The following TET2 variants were observed in gnomAD, a reference collection of about 807,000 sequenced individuals.
TET2 encodes methylcytosine dioxygenase TET2.
A neutral mutation model predicts 142.9 loss-of-function variants in TET2; 299 were observed. The observed-to-expected ratio is 2.09, with a 90% CI of 1.90 to 2.30. The LOEUF (loss-of-function observed/expected upper bound fraction) is 2.30. Among genes scored for constraint, TET2 ranks in the 30% most tolerant of loss-of-function variants. The pLI, the probability that TET2 is intolerant of heterozygous loss-of-function variation, is 0.00. For synonymous variants in TET2, 819 were observed against 849.0 expected, an observed-to-expected ratio of 0.96 and a Z score of 0.61; for missense variants, 2,418 against 2,378.0, an observed-to-expected ratio of 1.02 and a Z score of -0.35.
chr4:105,146,913 G>A lies in TET2; in HGVS notation c.-259G>A, dbSNP rs979921161. 1 of 152,456 alleles carries A rather than the reference G, an allele frequency of 6.6e-6. No homozygotes were observed. The highest frequency in any genetic ancestry group is 1.5e-5 in the Non-Finnish European group (1 of 68,222). 9.4% of individuals were successfully genotyped at this position (152,456 alleles called of 1,614,324 possible). A position where few individuals can be genotyped will look rare whatever the true frequency, so the allele number is the denominator to read the frequency against. On this transcript the variant is annotated 5_prime_UTR_variant, in exon 1 of 11. The change abolishes the stop of an existing upstream ORF in the 5' untranslated region. Transcript: ENST00000380013. The stretch of plus-strand genomic sequence containing the variant: ...AAGGAAGCAAGATGGCTGCCCTTTA[G>A]GATTTGTTAGAAAGGAGACCCGACT...
At chr4:105,198,373 G>T (rs1726220159) in intron 2 of TET2, among the ~76,000 whole-genome samples, 1 of 152,026 alleles carries the variant, frequency 6.6e-6, no homozygotes, top group African/African-American at 2.4e-5. Flanking sequence ...ATAAATAAAT[G>T]CTTTTTGATT....
At chr4:105,232,681 C>T (rs1285722892) in intron 2 of TET2, among the ~76,000 whole-genome samples, 1 of 152,154 alleles carries the variant, frequency 6.6e-6, no homozygotes, top group Non-Finnish European at 1.5e-5. Context: ...TATTTATAAG[C>T]TGTTGTTATT....
rs1728750441 is a variant in TET2, at chr4:105,234,949, C to T, written c.1007C>T (p.Ala336Val). The change falls in exon 3 of 11, where the codon GCA (alanine) becomes GTA (valine). Residue 336 changes from alanine to valine, a missense_variant. By Grantham distance (64) the Ala-to-Val change is moderately conservative. Coordinates refer to ENST00000380013, the MANE Select transcript of TET2 (RefSeq NM_001127208.3). ...KSVFEICPSP[A>V]ENNIQGTTKL... Reference sequence around the variant, plus strand: ...GTTTTTGAGATATGCCCATCTCCTGCAGAAAATAACATCCAGGGAACCACA... The same window carrying T: ...GTTTTTGAGATATGCCCATCTCCTGTAGAAAATAACATCCAGGGAACCACA... The T allele has an allele frequency of 6.2e-7, 1 of 1,613,882 alleles. No individual in the cohort carries two copies. Among genetic ancestry groups the T allele is most frequent in the Non-Finnish European group, 8.5e-7 (1 of 1,179,932 alleles).
chr4:105,222,833 G>T (rs545435633), intron 2 of TET2, among the ~76,000 whole-genome samples: 2 of 151,936 alleles, frequency 1.3e-5, no homozygotes, highest in African/African-American at 2.4e-5. Context: ...TTCTTCTAGG[G>T]TTTTTATGGT....
intron 2 of TET2, among the ~76,000 whole-genome samples, chr4:105,216,686 A>G (rs2110566983): frequency 6.6e-6 from 1 of 152,178 alleles, no homozygotes; most frequent in African/African-American, 2.4e-5. Context: ...GTTTTCCTCT[A>G]CAATCCTGTT....
chr4:105,257,231 C>G (rs762251199), intron 6 of TET2, among the ~76,000 whole-genome samples: 16 of 152,154 alleles, frequency 1.1e-4, no homozygotes, highest in Admixed American at 2.6e-4. Flanking sequence ...CCCAGGAGTT[C>G]AAGACTAGCC....
At chr4:105,211,553 G>C (rs1727162806) in intron 2 of TET2, among the ~76,000 whole-genome samples, 1 of 152,208 alleles carries the variant, frequency 6.6e-6, no homozygotes, top group Non-Finnish European at 1.5e-5. Context: ...ATGAGAGATA[G>C]AGGAAAACTA....
chr4:105,161,972 C>A (rs572028850), intron 1 of TET2, among the ~76,000 whole-genome samples: 1 of 152,194 alleles, frequency 6.6e-6, no homozygotes, highest in East Asian at 1.9e-4. Context: ...TAAGCTGAAT[C>A]CTCTTTGGTA....
chr4:105,270,373 CTA>C (rs1730892798), intron 9 of TET2, among the ~76,000 whole-genome samples: 1 of 152,296 alleles, frequency 6.6e-6, no homozygotes, highest in Non-Finnish European at 1.5e-5. Flanking sequence ...AAACCAGTGA[CTA>C]TGCATTGCCA....
At chr4:105,222,855 C>T (rs1481694743) in intron 2 of TET2, among the ~76,000 whole-genome samples, 2 of 152,020 alleles carry the variant, frequency 1.3e-5, no homozygotes, top group Non-Finnish European at 2.9e-5. Flanking sequence ...TTAGGTCTAA[C>T]GTTTAAGTCT....
Position 105,213,800 on chromosome 4 carries a change from T to C in TET2, c.-46-20097T>C, listed in dbSNP as rs533974580. Among the ~76,000 whole-genome samples, 90 of 152,326 alleles carry C rather than the reference T, an allele frequency of 5.9e-4. 2 individuals carry two copies. In the South Asian group the frequency reaches 8.3e-3, roughly 14 times the overall value. ...TCTCAGAGAGAACTATGACCAATTG[T>C]CATTCTGTTTCCCATGGCACCTAGT... On this transcript the variant is annotated intron_variant, in intron 2 of 10. Coordinates refer to ENST00000380013, the MANE Select transcript of TET2 (RefSeq NM_001127208.3).
intron 1 of TET2, among the ~76,000 whole-genome samples, chr4:105,176,363 C>T (rs895203888): frequency 4.6e-5 from 7 of 151,928 alleles, no homozygotes; most frequent in African/African-American, 9.7e-5. Context: ...TCTTTGTTCA[C>T]GGATGACAGT....
chr4:105,203,750 A>G (rs1726621360), intron 2 of TET2, among the ~76,000 whole-genome samples: 1 of 152,214 alleles, frequency 6.6e-6, no homozygotes, highest in Non-Finnish European at 1.5e-5. Flanking sequence ...GTTATTAACA[A>G]CCTTGAGGAA....
Position 105,235,603 on chromosome 4 carries a change from C to T in TET2, c.1661C>T (p.Pro554Leu), listed in dbSNP as rs2110228854. Residue 554 changes from proline to leucine, a missense_variant, in exon 3 of 11, where the codon CCC (proline) becomes CTC (leucine). Physicochemically the swap from Pro to Leu is moderately conservative, Grantham distance 98 (BLOSUM62 -3). Coordinates refer to ENST00000380013, the MANE Select transcript of TET2 (RefSeq NM_001127208.3). The part of the protein sequence containing the change: ...RDKEQTRDLV[P>L]PTQHYLKPGW... ...AAGGAGCAAACACGAGATCTTGTGCCCCCAACACAGCACTATCTGAAACCA... is the reference window on the plus strand; with the variant it reads ...AAGGAGCAAACACGAGATCTTGTGCTCCCAACACAGCACTATCTGAAACCA... 6.2e-7 allele frequency: 1 copy of T among 1,614,102 alleles called. No homozygotes were observed. Among genetic ancestry groups the T allele is most frequent in the East Asian group, 2.2e-5 (1 of 44,878 alleles).
At chr4:105,264,718 T>C (rs150148112) in intron 8 of TET2, among the ~76,000 whole-genome samples, 4 of 152,324 alleles carry the variant, frequency 2.6e-5, no homozygotes, top group Non-Finnish European at 5.9e-5. Flanking sequence ...ATTGGTAATA[T>C]TCATCCATGT....
At chr4:105,256,308 CAATA>C (rs1251807786) in intron 6 of TET2, among the ~76,000 whole-genome samples, 1 of 152,056 alleles carries the variant, frequency 6.6e-6, no homozygotes. Flanking sequence ...TGCCTGAAAA[CAATA>C]AACTCTTATT....
chr4:105,234,721 T>C lies in TET2; in HGVS notation c.779T>C (p.Leu260Ser). 1.2e-6 allele frequency: 2 copies of C among 1,614,092 alleles called. No homozygotes were observed. Among genetic ancestry groups the C allele is most frequent in the African/African-American group, 2.7e-5 (2 of 75,064 alleles). Residue 260 changes from leucine to serine, a missense_variant, in exon 3 of 11, where the codon TTG becomes TCG. Leu to Ser is a moderately radical substitution (Grantham distance 145). Transcript: ENST00000380013. ...ATTAACAGTCAGGCTACTAATGAGT[T>C]GTCCTGTGAGATCACTCACCCATCG... ...NAINSQATNELSCEITHPSHT... is the reference protein window; with the variant it reads ...NAINSQATNESSCEITHPSHT...
chr4:105,196,700 T>C (rs2110498491), intron 2 of TET2, among the ~76,000 whole-genome samples: 1 of 152,326 alleles, frequency 6.6e-6, no homozygotes, highest in East Asian at 1.9e-4. Context: ...AAGCTTCATA[T>C]TTGTTGTGGC....
intron 2 of TET2, among the ~76,000 whole-genome samples, chr4:105,225,840 T>G (rs1383661431): frequency 2.6e-5 from 4 of 152,144 alleles, no homozygotes; most frequent in Non-Finnish European, 5.9e-5. Context: ...TAAATCATCC[T>G]CAAATATTCT....
Sources: allele counts gnomAD v4.1 joint callset (sites outside exome capture counted in the v4.1 genomes callset), GRCh38; gene constraint gnomAD v4.1.1; transcripts MANE v1.5; gene names NCBI Gene and HGNC (gene_info 2026-07-23, HGNC 2026-07-21).